The following ILDR1 variants were observed in gnomAD, a reference collection of about 807,000 sequenced individuals.
The protein encoded by ILDR1 is immunoglobulin like domain containing receptor 1, also known as immunoglobulin-like domain-containing receptor 1.
ILDR1 carries 56 observed loss-of-function variants against 62.4 expected under a neutral mutation model. The ratio of observed to expected loss-of-function variants is 0.90; its 90% CI spans 0.72 to 1.12. The LOEUF is 1.12. Among genes scored for constraint, ILDR1 ranks in the 50% most tolerant of loss-of-function variants. ILDR1 has a pLI of 0.00. For missense variants in ILDR1, 736 were observed against 710.6 expected, an observed-to-expected ratio of 1.04 and a Z score of -0.41; for synonymous variants, 284 against 277.8, an observed-to-expected ratio of 1.02 and a Z score of -0.22.
Position 122,022,068 on chromosome 3 carries a change from G to C in ILDR1, c.10C>G (p.Pro4Ala), listed in dbSNP as rs2071865404. ...AGCAGCCAAGGTGCGGGCAGTTTGG[G>C]CCATGCCATGCCGCCCCCTTTCTGG... MAW[P>A]KLPAPWLLLC... Residue 4 changes from proline to alanine, a missense_variant, in exon 1 of 8, where the codon CCC (proline) becomes GCC (alanine). Transcript: ENST00000344209. 2 of 1,608,494 alleles carry C rather than the reference G, an allele frequency of 1.2e-6. No individual in the cohort carries two copies. Among genetic ancestry groups the C allele is most frequent in the Non-Finnish European group, 1.7e-6 (2 of 1,177,442 alleles).
At chr3:122,022,314 T>TC (rs201872983), upstream of ILDR1, 5,589 of 428,522 alleles carry the variant, frequency 0.013, 272 homozygotes, top group African/African-American at 0.11. Flanking sequence ...CGTTTCCTGC[T>TC]CCGCCCCCGC....
chr3:122,035,856 C>T, the ILDR1 span, among the ~76,000 whole-genome samples: 1 of 152,112 alleles, frequency 6.6e-6, no homozygotes, highest in African/African-American at 2.4e-5. Context: ...GGGATTGCTA[C>T]AAAGATAACT....
At position 121,994,236 on chromosome 3, in the gene ILDR1, C is replaced by T. The variant is rs2071404434; in HGVS notation, c.724G>A (p.Ala242Thr). Residue 242 changes from alanine to threonine, a missense_variant, in exon 6 of 8, where the codon GCG becomes ACG. Physicochemically the swap from Ala to Thr is moderately conservative, Grantham distance 58 (BLOSUM62 0). Coordinates refer to ENST00000344209, the MANE Select transcript of ILDR1 (RefSeq NM_001199799.2). ...QMMGKPLYWG[A>T]DRSSQVSSYP... ...GATGAAACCTGGGAGCTCCTGTCCG[C>T]CCCCCAGTACAGGGGTTTTCCCATC... The T allele has an allele frequency of 6.5e-7, 1 of 1,536,000 alleles. No homozygotes were observed. Among genetic ancestry groups the T allele is most frequent in the South Asian group, 1.2e-5 (1 of 84,066 alleles).
chr3:122,021,664 T>C (rs1345484722), intron 1 of ILDR1, among the ~76,000 whole-genome samples: 2 of 152,216 alleles, frequency 1.3e-5, no homozygotes, highest in African/African-American at 2.4e-5. Context: ...GTTGTCACCA[T>C]ATCAGATGAA....
At chr3:122,005,456 C>T in intron 2 of ILDR1, 63 bp from the exon 3 acceptor site, 2 of 1,584,514 alleles carry the variant, frequency 1.3e-6, no homozygotes, top group Non-Finnish European at 1.7e-6. Context: ...AAAAAGGTTC[C>T]CTTCCTGCTC....
In ILDR1 at chr3:122,003,365, C is replaced by T. The variant is rs570511933; in HGVS notation, c.380-1501G>A. ...CAATATCTACAATTTTTTTCCTACC[C>T]GCTATTTTCCAAACCCACTACCTTT... On this transcript the variant is annotated intron_variant, in intron 3 of 7. Transcript: ENST00000344209. Among the ~76,000 whole-genome samples the T allele has an allele frequency of 9.0e-4, 137 of 152,202 alleles. 1 individual carries two copies. The highest frequency in any genetic ancestry group is 3.4e-3 in the Middle Eastern group (1 of 294).
intron 1 of ILDR1, among the ~76,000 whole-genome samples, chr3:122,009,477 G>A (rs1352525664): frequency 6.6e-6 from 1 of 152,156 alleles, no homozygotes; most frequent in African/African-American, 2.4e-5. Context: ...GAATGAAGAT[G>A]ATGATAGTGC....
Position 121,994,390 on chromosome 3 carries a change from AG to A in ILDR1, c.647-78del, listed in dbSNP as rs34700066. On this transcript the variant is annotated intron_variant, in intron 5 of 7. Transcript: ENST00000344209. ...CCTCCCACTTCACTTCTTTCCACCT[AG>A]GGGCCTTGCAAGAGGCCAGCTTCTC... 74 of 1,455,546 alleles carry A rather than the reference AG, an allele frequency of 5.1e-5. 1 individual carries two copies. The Middle Eastern group carries it at 7.2e-4, about 14-fold the overall frequency. The allele number at this position is 1,455,546 out of a possible 1,614,324, so 90.2% of individuals were successfully genotyped here.
At position 121,993,593 on chromosome 3, in the gene ILDR1, T is replaced by G; in HGVS notation, c.1156A>C (p.Lys386Gln). The change falls in exon 7 of 8, where the codon AAG becomes CAG. Residue 386 changes from lysine (K) to glutamine (Q), a missense_variant. Physicochemically the swap from Lys to Gln is moderately conservative, Grantham distance 53. Transcript: ENST00000344209. ...FHQELQDRGP[K>Q]SWALERRELD... is the part of the protein sequence containing the mutation. ...TCCCTTCTTTCCAATGCCCAAGACT[T>G]TGGCCCCCGGTCCTGGAGCTCCTGG... is the stretch of plus-strand genomic sequence containing the variant. The G allele has an allele frequency of 6.2e-7, 1 of 1,614,186 alleles. No individual in the cohort carries two copies. The highest frequency in any genetic ancestry group is 1.7e-5 in the Admixed American group (1 of 60,024).
At chr3:122,054,469 T>A in the ILDR1 span, among the ~76,000 whole-genome samples, 1 of 152,230 alleles carries the variant, frequency 6.6e-6, no homozygotes, top group African/African-American at 2.4e-5. Context: ...GCATCTTATC[T>A]AGGTAGATAA....
chr3:122,060,304 T>G, the ILDR1 span, among the ~76,000 whole-genome samples: 1 of 152,148 alleles, frequency 6.6e-6, no homozygotes. Flanking sequence ...TGCAGAACAC[T>G]CCCAGTTGAG....
chr3:122,014,603 T>A (rs891606438), intron 1 of ILDR1, among the ~76,000 whole-genome samples: 1 of 152,252 alleles, frequency 6.6e-6, no homozygotes, highest in Non-Finnish European at 1.5e-5. Context: ...TCACATGCGT[T>A]CTTTTATTCC....
chr3:122,047,633 C>A, the ILDR1 span, among the ~76,000 whole-genome samples: 1 of 152,120 alleles, frequency 6.6e-6, no homozygotes, highest in African/African-American at 2.4e-5. Context: ...GTTTTTTAAG[C>A]CGGTCTGAAA....
At chr3:121,999,068 A>G (rs1264439574) in intron 5 of ILDR1, among the ~76,000 whole-genome samples, 1 of 152,144 alleles carries the variant, frequency 6.6e-6, no homozygotes, top group Non-Finnish European at 1.5e-5. Context: ...ACATCCAATA[A>G]AAGTTAGTTC....
At chr3:122,060,033 G>T in the ILDR1 span, among the ~76,000 whole-genome samples, 1 of 152,086 alleles carries the variant, frequency 6.6e-6, no homozygotes, top group African/African-American at 2.4e-5. Flanking sequence ...TTTTGTTTAA[G>T]CCACCCCAGT....
the ILDR1 span, among the ~76,000 whole-genome samples, chr3:122,050,371 G>T: frequency 2.6e-5 from 4 of 151,906 alleles, no homozygotes; most frequent in Non-Finnish European, 5.9e-5. Context: ...TGTGTTTCAT[G>T]GATTTTTTAT....
rs763017162 is a variant in ILDR1 at position 121,993,766 on chromosome 3, C to G, written c.983G>C (p.Arg328Thr). ...GATCAGTGGGGGCAGGTGGATGATT[C>G]TGCGTTCCACGACCTCAGAGCCCAG... ...SSLGSEVVER[R>T]IIHLPPLIRD... Residue 328 changes from arginine to threonine, a missense_variant, in exon 7 of 8, where the codon AGA (arginine) becomes ACA (threonine). Physicochemically the swap from Arg to Thr is moderately conservative, Grantham distance 71. Transcript: ENST00000344209. 6.2e-7 allele frequency: 1 copy of G among 1,614,156 alleles called. No homozygotes were observed. The highest frequency in any genetic ancestry group is 8.5e-7 in the Non-Finnish European group (1 of 1,180,008).
the ILDR1 span, among the ~76,000 whole-genome samples, chr3:122,028,335 CAA>C: frequency 0.037 from 3,570 of 95,266 alleles, 64 homozygotes; most frequent in African/African-American, 0.071. Flanking sequence ...GACTCCATCT[CAA>C]AAAAAAAAAA....
the ILDR1 span, among the ~76,000 whole-genome samples, chr3:122,037,514 C>T: frequency 1.3e-5 from 2 of 152,188 alleles, no homozygotes; most frequent in Non-Finnish European, 2.9e-5. Context: ...CGGCCAATTT[C>T]TCCCATTTGG....
Sources: allele counts gnomAD v4.1 joint callset (sites outside exome capture counted in the v4.1 genomes callset), GRCh38; gene constraint gnomAD v4.1.1; transcripts MANE v1.5; gene names NCBI Gene and HGNC (gene_info 2026-07-23, HGNC 2026-07-21).